Variants in RAD18 observed in about 807,000 individuals in gnomAD.
RAD18 encodes RAD18 E3 ubiquitin protein ligase, also known as E3 ubiquitin-protein ligase RAD18.
RAD18 carries 47 observed loss-of-function variants against 60.4 expected under a neutral mutation model. That is an observed-to-expected ratio of 0.78 (90% CI 0.62 to 0.99). The LOEUF (loss-of-function observed/expected upper bound fraction) is 0.99, where lower values mean the gene tolerates loss of function less well. Among genes scored for constraint, RAD18 ranks in the 50% least tolerant of loss-of-function variants. RAD18 has a pLI of 0.00. For missense variants in RAD18, 640 were observed against 593.3 expected, an observed-to-expected ratio of 1.08 and a Z score of -0.82; for synonymous variants, 225 against 195.5, an observed-to-expected ratio of 1.15 and a Z score of -1.26.
intron 10 of RAD18, among the ~76,000 whole-genome samples, chr3:8,901,244 C>T (rs1432885479): frequency 6.6e-6 from 1 of 152,172 alleles, no homozygotes; most frequent in African/African-American, 2.4e-5. Flanking sequence ...TAAGATAATG[C>T]AGCCACTATG....
At chr3:8,903,017 C>T (rs1311645340) in intron 9 of RAD18, among the ~76,000 whole-genome samples, 1 of 151,002 alleles carries the variant, frequency 6.6e-6, no homozygotes, top group African/African-American at 2.4e-5. Flanking sequence ...CAGGGCAAGA[C>T]TCTGTCTCAA....
rs1337243605 is a variant in RAD18 at position 8,902,515 on chromosome 3, T to G, written c.1033A>C (p.Lys345Gln). The G allele has an allele frequency of 6.3e-7, 1 of 1,598,476 alleles. No individual in the cohort carries two copies. Among genetic ancestry groups the G allele is most frequent in the South Asian group, 1.1e-5 (1 of 87,992 alleles). The stretch of plus-strand genomic sequence containing the variant: ...AGAAGCTGAAATTCACTCTTATGTT[T>G]TTTACCTGAAATTCAAAAGATCTTC... ...IDEIHSKYRK[K>Q]HKSEFQLLVD... is the part of the protein sequence containing the mutation. The change falls in exon 10 of 13, where the codon AAA (lysine) becomes CAA (glutamine). Residue 345 changes from lysine to glutamine, a missense_variant. By Grantham distance (53) the Lys-to-Gln change is moderately conservative. Coordinates refer to ENST00000264926, the MANE Select transcript of RAD18 (RefSeq NM_020165.4).
chr3:8,948,492 A>G lies in RAD18; in HGVS notation c.195+17T>C, dbSNP rs751145710. ...GCAGCAGTCAGTAAGTTTTAAAAAA[A>G]GGAAACAAAAACTCACCACACAGCA... On this transcript the variant is annotated intron_variant, in intron 3 of 12. Coordinates refer to ENST00000264926, the MANE Select transcript of RAD18 (RefSeq NM_020165.4). 10 of 1,603,260 alleles carry G rather than the reference A, an allele frequency of 6.2e-6. No individual in the cohort carries two copies. In the Admixed American group the frequency reaches 1.3e-4, roughly 21 times the overall value.
In RAD18 at chr3:8,941,268, T is replaced by C. The variant is rs535923354; in HGVS notation, c.604+199A>G. ...TGAACTAATTAAAATTGTTTCCTTT[T>C]TGTAGCAGTCAGCCTGAATTCCTGT... On this transcript the variant is annotated intron_variant, in intron 5 of 12. Coordinates refer to ENST00000264926, the MANE Select transcript of RAD18 (RefSeq NM_020165.4). Among the ~76,000 whole-genome samples the C allele has an allele frequency of 2.6e-5, 4 of 152,328 alleles. No homozygotes were observed. The East Asian group carries it at 7.7e-4, about 29-fold the overall frequency.
intron 2 of RAD18, among the ~76,000 whole-genome samples, chr3:8,949,323 T>C (rs931920764): frequency 1.3e-5 from 2 of 152,182 alleles, no homozygotes; most frequent in Non-Finnish European, 2.9e-5. Context: ...GACAGTACAA[T>C]TTCAGTACAC....
chr3:8,922,587 G>C (rs1276552438), intron 7 of RAD18, among the ~76,000 whole-genome samples: 1 of 152,202 alleles, frequency 6.6e-6, no homozygotes, highest in African/African-American at 2.4e-5. Context: ...CCAGCATGCA[G>C]CTTTAGATCT....
intron 7 of RAD18, among the ~76,000 whole-genome samples, chr3:8,934,404 A>C (rs1217388254): frequency 6.6e-6 from 1 of 152,242 alleles, no homozygotes; most frequent in Non-Finnish European, 1.5e-5. Context: ...AATAAGAATA[A>C]AAATAGGCCC....
At chr3:8,931,057 T>G (rs1450309473) in intron 7 of RAD18, among the ~76,000 whole-genome samples, 4 of 151,720 alleles carry the variant, frequency 2.6e-5, no homozygotes, top group Admixed American at 1.3e-4. Flanking sequence ...GCATATCGAC[T>G]GAAAAAAATA....
chr3:8,918,232 C>T (rs1252552543), intron 7 of RAD18, among the ~76,000 whole-genome samples: 5 of 145,418 alleles, frequency 3.4e-5, no homozygotes, highest in African/African-American at 1.3e-4. Flanking sequence ...GCAGGAGAAT[C>T]GCTTGAATCC....
Position 8,939,546 on chromosome 3 carries a change from T to C in RAD18, c.704+8A>G, listed in dbSNP as rs758416020. 1.4e-5 allele frequency: 22 copies of C among 1,605,984 alleles called. No homozygotes were observed. The South Asian group carries it at 2.2e-4, about 16-fold the overall frequency. On this transcript the variant is annotated splice_region_variant and intron_variant, in intron 6 of 12. Transcript: ENST00000264926. ...AAGTAGCTCAATGGTTCTGCTCAACTTCCTTACCTTCTGAGGCTTTCCTTC... is the reference window on the plus strand; with the variant it reads ...AAGTAGCTCAATGGTTCTGCTCAACCTCCTTACCTTCTGAGGCTTTCCTTC...
intron 2 of RAD18, among the ~76,000 whole-genome samples, chr3:8,952,718 G>A (rs1354459311): frequency 3.3e-5 from 5 of 152,054 alleles, no homozygotes; most frequent in African/African-American, 4.8e-5. Context: ...TAACTCTTTC[G>A]ATCCTCACAG....
At chr3:8,948,787 T>A (rs1436424593) in intron 2 of RAD18, among the ~76,000 whole-genome samples, 1 of 152,202 alleles carries the variant, frequency 6.6e-6, no homozygotes, top group Non-Finnish European at 1.5e-5. Context: ...GTCTTTAGGA[T>A]ACCACAACTA....
In RAD18 at chr3:8,878,420, G is replaced by A. The variant is rs1420443104; in HGVS notation, c.*2937C>T. ...TAATGGTTGTGGTTTTCCCTCTTAT[G>A]TTCATACTTTCATAATATGTACATA... On this transcript the variant is annotated 3_prime_UTR_variant, in exon 13 of 13. Coordinates refer to ENST00000264926, the MANE Select transcript of RAD18 (RefSeq NM_020165.4). 5 of 152,102 alleles carry A rather than the reference G, an allele frequency of 3.3e-5. No individual in the cohort carries two copies. The highest frequency in any genetic ancestry group is 9.7e-5 in the African/African-American group (4 of 41,412). The allele number at this position is 152,102 out of a possible 1,614,324, so 9.4% of individuals were successfully genotyped here.
chr3:8,933,530 T>C (rs913046715), intron 7 of RAD18, among the ~76,000 whole-genome samples: 2 of 152,192 alleles, frequency 1.3e-5, no homozygotes, highest in African/African-American at 2.4e-5. Context: ...AAGGAAACTA[T>C]AGAAAAACCA....
At chr3:8,946,720 A>G (rs1286693738) in intron 4 of RAD18, among the ~76,000 whole-genome samples, 2 of 152,224 alleles carry the variant, frequency 1.3e-5, no homozygotes, top group African/African-American at 4.8e-5. Flanking sequence ...TAACAGATTA[A>G]TATATAGCAG....
rs1447454763 is a variant in RAD18, at chr3:8,877,852, GAA to G, written c.*3503_*3504del. The G allele has an allele frequency of 1.3e-5, 2 of 152,266 alleles. No homozygotes were observed. The highest frequency in any genetic ancestry group is 1.5e-5 in the Non-Finnish European group (1 of 68,102). The allele number at this position is 152,266 out of a possible 1,614,324, so 9.4% of individuals were successfully genotyped here. A position where few individuals can be genotyped will look rare whatever the true frequency, so the allele number is the denominator to read the frequency against. On this transcript the variant is annotated 3_prime_UTR_variant, in exon 13 of 13. Transcript: ENST00000264926. Reference sequence around the variant, plus strand: ...AAAAGGGGGTGGGGAAGAGAAAAGAGAAAGAGTGAAAGGGGAAGAGAGAGGAA... The same window carrying G: ...AAAAGGGGGTGGGGAAGAGAAAAGAGAGAGTGAAAGGGGAAGAGAGAGGAA...
chr3:8,931,442 TCTCA>T (rs780894277), intron 7 of RAD18: 2 of 152,206 alleles, frequency 1.3e-5, no homozygotes, highest in Non-Finnish European at 2.9e-5. Flanking sequence ...ATCTATGTAA[TCTCA>T]CTCAAAATCC....
In RAD18 at chr3:8,941,537, G is replaced by T; in HGVS notation, c.534C>A (p.Ile178=). ...GCTTAGCCTCTGAGGGATCTGGAGC[G>T]ATCTCTTCTACAGAACGTGTCTCTT... ...KTKETRSVEE[I]APDPSEAKRP... Residue 178 remains isoleucine, a synonymous_variant, in exon 5 of 13, where the codon ATC becomes ATA. Coordinates refer to ENST00000264926, the MANE Select transcript of RAD18 (RefSeq NM_020165.4). The T allele has an allele frequency of 6.2e-7, 1 of 1,614,028 alleles. No homozygotes were observed. Among genetic ancestry groups the T allele is most frequent in the South Asian group, 1.1e-5 (1 of 91,084 alleles).
chr3:8,930,007 A>T (rs149077584), intron 7 of RAD18, among the ~76,000 whole-genome samples: 35 of 152,366 alleles, frequency 2.3e-4, no homozygotes, highest in African/African-American at 6.5e-4. Context: ...TTTGGACAAT[A>T]GTCTAGCAAT....
Sources: allele counts gnomAD v4.1 joint callset (sites outside exome capture counted in the v4.1 genomes callset), GRCh38; gene constraint gnomAD v4.1.1; transcripts MANE v1.5; gene names NCBI Gene and HGNC (gene_info 2026-07-23, HGNC 2026-07-21).